ASIC2: variants seen among roughly 807,000 people sequenced by gnomAD.
ASIC2 encodes acid-sensing ion channel 2.
Under a neutral mutation model 57.3 loss-of-function variants are expected in ASIC2, and 25 were observed. That is an observed-to-expected ratio of 0.44 (90% CI 0.32 to 0.61). The LOEUF is 0.61. Ranked by LOEUF, ASIC2 falls within the 20% of genes least tolerant of loss-of-function variation. The pLI is 0.06. For missense variants in ASIC2, 641 were observed against 738.1 expected, an observed-to-expected ratio of 0.87 and a Z score of 1.52; for synonymous variants, 319 against 307.5, an observed-to-expected ratio of 1.04 and a Z score of -0.39.
intron 1 of ASIC2, among the ~76,000 whole-genome samples, chr17:33,230,542 G>C (rs1908050623): frequency 6.6e-6 from 1 of 152,160 alleles, no homozygotes; most frequent in Non-Finnish European, 1.5e-5. Context: ...CGGACTTCCA[G>C]CTCAGCTCTG....
chr17:33,904,053 C>T (rs757851396), intron 1 of ASIC2, among the ~76,000 whole-genome samples: 1 of 148,060 alleles, frequency 6.8e-6, no homozygotes, highest in Non-Finnish European at 1.5e-5. Context: ...ATTCCAGCTA[C>T]TCGGGAGGCT....
chr17:34,054,444 G>A (rs1908687746), intron 1 of ASIC2, among the ~76,000 whole-genome samples: 1 of 152,138 alleles, frequency 6.6e-6, no homozygotes, highest in African/African-American at 2.4e-5. Flanking sequence ...CAAGCAATGA[G>A]TGGAGATGTA....
chr17:33,246,860 C>T (rs1464147068), intron 1 of ASIC2, among the ~76,000 whole-genome samples: 1 of 152,090 alleles, frequency 6.6e-6, no homozygotes, highest in Non-Finnish European at 1.5e-5. Context: ...TGCCCCCAGC[C>T]TTTCTGATTC....
chr17:33,857,660 C>A (rs544473493), intron 1 of ASIC2, among the ~76,000 whole-genome samples: 13 of 152,136 alleles, frequency 8.5e-5, no homozygotes, highest in Non-Finnish European at 1.6e-4. Context: ...CTGTTCGAGG[C>A]GCTGAGGTAT....
rs981337485 is a variant in ASIC2, at chr17:33,281,574, T to C, written c.708+9834A>G. 2.0e-5 allele frequency among the ~76,000 whole-genome samples: 3 copies of C among 152,348 alleles called. No individual in the cohort carries two copies. In the East Asian group the frequency reaches 5.8e-4, roughly 29 times the overall value. On this transcript the variant is annotated intron_variant, in intron 1 of 9. Transcript: ENST00000225823. ...TTGAAACAGCCCTACACGAAAAGTA[T>C]GGTCTGTGTTTCGCAAATGAGGAAA...
At chr17:33,509,454 T>A (rs1348163970) in intron 1 of ASIC2, among the ~76,000 whole-genome samples, 1 of 152,120 alleles carries the variant, frequency 6.6e-6, no homozygotes, top group Admixed American at 6.5e-5. Context: ...CAATCCCAAG[T>A]CTGGTTTCCT....
At position 33,969,341 on chromosome 17, in the gene ASIC2, A is replaced by G. The variant is rs573371778; in HGVS notation, c.555+186637T>C. On this transcript the variant is annotated intron_variant, in intron 1 of 9. Coordinates refer to the ASIC2 transcript ENST00000359872. Reference sequence around the variant, plus strand: ...TGTTGTGGGCTGACAAAATGAATGAATGAATGGAGGATGTAAGCAAATGAG... The same window carrying G: ...TGTTGTGGGCTGACAAAATGAATGAGTGAATGGAGGATGTAAGCAAATGAG... Among the ~76,000 whole-genome samples, 8 of 152,304 alleles carry G rather than the reference A, an allele frequency of 5.3e-5. No homozygotes were observed. The South Asian group carries it at 1.7e-3, about 32-fold the overall frequency.
chr17:33,590,677 ATC>A (rs951955808), intron 1 of ASIC2, among the ~76,000 whole-genome samples: 2 of 151,930 alleles, frequency 1.3e-5, no homozygotes, highest in Non-Finnish European at 2.9e-5. Context: ...CCACACTCCA[ATC>A]TCTACACCAC....
At chr17:33,057,794 T>A (rs1293113853) in intron 3 of ASIC2, among the ~76,000 whole-genome samples, 1 of 152,090 alleles carries the variant, frequency 6.6e-6, no homozygotes, top group Non-Finnish European at 1.5e-5. Context: ...AGTGGTTAAG[T>A]CAGCCCAGTC....
chr17:33,711,577 A>G (rs1345877148), intron 1 of ASIC2, among the ~76,000 whole-genome samples: 1 of 152,204 alleles, frequency 6.6e-6, no homozygotes, highest in East Asian at 1.9e-4. Flanking sequence ...AAGAGGTTTA[A>G]TTGACTCACA....
intron 3 of ASIC2, among the ~76,000 whole-genome samples, chr17:33,062,666 T>C (rs2092025761): frequency 6.6e-6 from 1 of 152,214 alleles, no homozygotes; most frequent in Non-Finnish European, 1.5e-5. Flanking sequence ...GTTCTGTAGA[T>C]GTCTATTAGG....
rs923250052 is a variant in ASIC2 at position 33,552,963 on chromosome 17, A to G, written c.556-440896T>C. 3.9e-5 allele frequency among the ~76,000 whole-genome samples: 6 copies of G among 152,174 alleles called. No individual in the cohort carries two copies. The East Asian group carries it at 9.6e-4, about 24-fold the overall frequency. ...TGCAGTGGGTCTCTTCTCCCTCCCA[A>G]CTGAACCCTGGGCCCACTGGACAAT... On this transcript the variant is annotated intron_variant, in intron 1 of 9. Transcript: ENST00000359872.
chr17:34,041,715 C>T (rs1028949544), intron 1 of ASIC2, among the ~76,000 whole-genome samples: 11 of 152,148 alleles, frequency 7.2e-5, no homozygotes, highest in African/African-American at 2.7e-4. Context: ...GAGGTGCTGG[C>T]AAAGAAACAA....
In ASIC2 at chr17:33,512,454, A is replaced by C. The variant is rs532249098; in HGVS notation, c.556-400387T>G. Among the ~76,000 whole-genome samples, 4 of 152,324 alleles carry C rather than the reference A, an allele frequency of 2.6e-5. No homozygotes were observed. The East Asian group carries it at 5.8e-4, about 22-fold the overall frequency. ...AGAAACTTAAGACTGAGAGGAGAAC[A>C]CTTCTTTCCACTTATTATTATTGCT... On this transcript the variant is annotated intron_variant, in intron 1 of 9. Coordinates refer to the ASIC2 transcript ENST00000359872.
intron 1 of ASIC2, among the ~76,000 whole-genome samples, chr17:33,545,417 G>GA (rs1186738098): frequency 1.3e-5 from 2 of 151,960 alleles, no homozygotes; most frequent in East Asian, 1.9e-4. Context: ...CATTAAAATT[G>GA]AAAAAAATTG....
At chr17:33,349,702 C>T (rs530859998) in intron 1 of ASIC2, among the ~76,000 whole-genome samples, 1 of 152,250 alleles carries the variant, frequency 6.6e-6, no homozygotes, top group South Asian at 2.1e-4. Flanking sequence ...ATCACTCATA[C>T]CAGAAATGAT....
At chr17:33,359,542 A>T (rs1192837040) in intron 1 of ASIC2, among the ~76,000 whole-genome samples, 1 of 152,174 alleles carries the variant, frequency 6.6e-6, no homozygotes, top group African/African-American at 2.4e-5. Flanking sequence ...TCAGACAAGC[A>T]GTGAGGCCAA....
intron 1 of ASIC2, among the ~76,000 whole-genome samples, chr17:33,285,052 C>T (rs1325549689): frequency 6.6e-6 from 1 of 152,172 alleles, no homozygotes; most frequent in Non-Finnish European, 1.5e-5. Context: ...ATGAAATTTA[C>T]TCAATTTCTG....
intron 1 of ASIC2, among the ~76,000 whole-genome samples, chr17:33,492,858 A>G (rs1427012410): frequency 6.6e-6 from 1 of 152,164 alleles, no homozygotes; most frequent in Non-Finnish European, 1.5e-5. Context: ...CCAGATAGCT[A>G]CTTGGTGCAC....
Sources: gnomAD v4.1 joint callset for allele counts (sites outside exome capture counted in the v4.1 genomes callset) on GRCh38, gnomAD v4.1.1 for gene constraint, MANE v1.5 for transcripts, NCBI Gene and HGNC (gene_info 2026-07-23, HGNC 2026-07-21) for gene names.